Variants in KCNIP1 observed in about 807,000 individuals in gnomAD.
KCNIP1 encodes the protein A-type potassium channel modulatory protein KCNIP1.
In KCNIP1, 18 loss-of-function variants were observed where a neutral mutation model predicts 33.0. The observed-to-expected ratio is 0.55, with a 90% CI of 0.38 to 0.81. The LOEUF is 0.81. Ranked by LOEUF, KCNIP1 falls within the 30% of genes least tolerant of loss-of-function variation. KCNIP1 has a pLI of 0.00. For synonymous variants in KCNIP1, 93 were observed against 98.3 expected (o/e 0.95, Z 0.32); for missense variants, 238 against 271.6 (o/e 0.88, Z 0.87).
intron 1 of KCNIP1, among the ~76,000 whole-genome samples, chr5:170,598,760 GT>G (rs1662487701): frequency 2.0e-5 from 3 of 152,160 alleles, no homozygotes. Flanking sequence ...CAAGGGACCA[GT>G]GGACAGAAGT....
At chr5:170,420,333 A>C (rs1002072379) in intron 1 of KCNIP1, 3 of 152,136 alleles carry the variant, frequency 2.0e-5, no homozygotes, top group Non-Finnish European at 4.4e-5. Flanking sequence ...ATAAATAGCA[A>C]ATATATGTTC....
intron 1 of KCNIP1, among the ~76,000 whole-genome samples, chr5:170,490,268 G>A (rs1757179193): frequency 6.6e-6 from 1 of 152,194 alleles, no homozygotes; most frequent in South Asian, 2.1e-4. Flanking sequence ...ATCCAAAGTT[G>A]GATAGGCCAT....
chr5:170,731,064 G>A (rs1455024949), intron 5 of KCNIP1, among the ~76,000 whole-genome samples: 1 of 152,018 alleles, frequency 6.6e-6, no homozygotes. Flanking sequence ...AGTATAGAAG[G>A]AATAAAGGAA....
chr5:170,588,212 A>G (rs768621941), intron 1 of KCNIP1, among the ~76,000 whole-genome samples: 12 of 152,176 alleles, frequency 7.9e-5, no homozygotes, highest in Non-Finnish European at 1.5e-4. Flanking sequence ...CGGATGGACA[A>G]TTTCTCTGTT....
upstream of KCNIP1, among the ~76,000 whole-genome samples, chr5:170,502,625 G>A (rs143665449): frequency 9.7e-3 from 1,472 of 152,272 alleles, 11 homozygotes; most frequent in African/African-American, 0.018. Context: ...ATGTCTGTGC[G>A]GACTTAAGGA....
intron 1 of KCNIP1, among the ~76,000 whole-genome samples, chr5:170,356,876 G>C (rs1354102618): frequency 6.6e-6 from 1 of 152,178 alleles, no homozygotes; most frequent in African/African-American, 2.4e-5. Context: ...CTCAGCAAAT[G>C]CTCTCTGAAG....
intron 1 of KCNIP1, among the ~76,000 whole-genome samples, chr5:170,410,689 T>A (rs982047147): frequency 1.8e-4 from 28 of 152,182 alleles, no homozygotes; most frequent in African/African-American, 6.5e-4. Context: ...GTGGGCAATG[T>A]GCTCTGGTTT....
intron 1 of KCNIP1, among the ~76,000 whole-genome samples, chr5:170,705,496 G>A (rs1277963483): frequency 6.6e-6 from 1 of 152,180 alleles, no homozygotes; most frequent in Non-Finnish European, 1.5e-5. Context: ...TGTCCTTAGT[G>A]GCCATCAGTT....
chr5:170,437,174 C>T (rs1017833652), intron 1 of KCNIP1, among the ~76,000 whole-genome samples: 2 of 152,218 alleles, frequency 1.3e-5, no homozygotes, highest in Non-Finnish European at 2.9e-5. Flanking sequence ...GTCTCTGCAT[C>T]TTCATAGAGA....
At chr5:170,690,291 C>T (rs1309849957) in intron 1 of KCNIP1, among the ~76,000 whole-genome samples, 1 of 152,220 alleles carries the variant, frequency 6.6e-6, no homozygotes, top group Non-Finnish European at 1.5e-5. Flanking sequence ...ACTTCTTGCT[C>T]ATTTCCAGTG....
chr5:170,519,667 C>T (rs1390639623), intron 1 of KCNIP1, among the ~76,000 whole-genome samples: 1 of 152,104 alleles, frequency 6.6e-6, no homozygotes, highest in East Asian at 1.9e-4. Flanking sequence ...ATTAGAGCTG[C>T]CTGCAGCCTT....
intron 1 of KCNIP1, among the ~76,000 whole-genome samples, chr5:170,595,302 C>T (rs1049853302): frequency 6.6e-6 from 1 of 152,240 alleles, no homozygotes; most frequent in Admixed American, 6.5e-5. Context: ...AGGATGACGG[C>T]TCCTTGGACC....
At chr5:170,580,720 G>A (rs1757759632) in intron 1 of KCNIP1, among the ~76,000 whole-genome samples, 2 of 152,124 alleles carry the variant, frequency 1.3e-5, no homozygotes, top group East Asian at 3.9e-4. Flanking sequence ...AGATGAGCAG[G>A]GTAAAGAGGT....
chr5:170,548,331 T>G (rs1419801607), intron 1 of KCNIP1, among the ~76,000 whole-genome samples: 1 of 152,250 alleles, frequency 6.6e-6, no homozygotes, highest in East Asian at 1.9e-4. Flanking sequence ...CTCTTTTTCC[T>G]GCAAGCCTTA....
At chr5:170,520,512 C>T (rs373295722) in intron 1 of KCNIP1, among the ~76,000 whole-genome samples, 1 of 152,234 alleles carries the variant, frequency 6.6e-6, no homozygotes, top group East Asian at 1.9e-4. Flanking sequence ...GGGCCTCGCA[C>T]ATCATTGGAA....
At chr5:170,408,402 C>T (rs1328258966) in intron 1 of KCNIP1, among the ~76,000 whole-genome samples, 3 of 152,174 alleles carry the variant, frequency 2.0e-5, no homozygotes, top group Non-Finnish European at 4.4e-5. Context: ...CTGTAATCTG[C>T]TCTCACCACG....
intron 1 of KCNIP1, among the ~76,000 whole-genome samples, chr5:170,370,786 CA>C (rs1333695754): frequency 3.9e-5 from 6 of 152,186 alleles, no homozygotes; most frequent in African/African-American, 1.4e-4. Flanking sequence ...CAGACTGCTT[CA>C]AACCAGCGGG....
intron 1 of KCNIP1, among the ~76,000 whole-genome samples, chr5:170,697,392 T>A (rs1762933181): frequency 6.6e-6 from 1 of 152,208 alleles, no homozygotes. Flanking sequence ...CCTGCCAAAG[T>A]GCCTTGCACA....
chr5:170,547,368 T>C (rs936341808), intron 1 of KCNIP1, among the ~76,000 whole-genome samples: 3 of 152,208 alleles, frequency 2.0e-5, no homozygotes, highest in African/African-American at 4.8e-5. Context: ...TAAAATTTCC[T>C]TTTTTTAACT....
Sources: allele counts gnomAD v4.1 joint callset (sites outside exome capture counted in the v4.1 genomes callset), GRCh38; gene constraint gnomAD v4.1.1; transcripts MANE v1.5; gene names NCBI Gene and HGNC (gene_info 2026-07-23, HGNC 2026-07-21).